IFIH1: variants seen among roughly 807,000 people sequenced by gnomAD.
IFIH1 encodes interferon-induced helicase C domain-containing protein 1.
A neutral mutation model predicts 107.4 loss-of-function variants in IFIH1; 125 were observed. The ratio of observed to expected loss-of-function variants is 1.16; its 90% confidence interval spans 1.01 to 1.35. The LOEUF (loss-of-function observed/expected upper bound fraction) is 1.35, where lower values mean the gene tolerates loss of function less well. Ranked by LOEUF, IFIH1 falls within the 40% of genes most tolerant of loss-of-function variation. The pLI is 0.00. For synonymous variants in IFIH1, 458 were observed against 413.2 expected (o/e 1.11, Z -1.31); for missense variants, 1,333 against 1,213.7 (o/e 1.10, Z -1.46).
At chr2:162,272,979 C>T (rs1278650110) in intron 12 of IFIH1, among the ~76,000 whole-genome samples, 1 of 152,132 alleles carries the variant, frequency 6.6e-6, no homozygotes, top group African/African-American at 2.4e-5. Context: ...AAAGTATCCT[C>T]AAGGAAAAAT....
chr2:162,307,708 G>A (rs1469346506), intron 2 of IFIH1, among the ~76,000 whole-genome samples: 1 of 152,128 alleles, frequency 6.6e-6, no homozygotes, highest in Non-Finnish European at 1.5e-5. Flanking sequence ...AGAACCCAGT[G>A]AAAATGTGCC....
intron 1 of IFIH1, among the ~76,000 whole-genome samples, chr2:162,314,564 T>C (rs1683453467): frequency 6.7e-6 from 1 of 148,252 alleles, no homozygotes; most frequent in Admixed American, 6.8e-5. Flanking sequence ...CTCAGCTCAC[T>C]GCAAGCTCCG....
rs191992120 is a variant in IFIH1, at chr2:162,273,161, G to A, written c.2454+634C>T. Among the ~76,000 whole-genome samples, 900 of 152,254 alleles carry A rather than the reference G, an allele frequency of 5.9e-3. 16 individuals carry two copies. Among genetic ancestry groups the A allele is most frequent in the African/African-American group, 0.021 (856 of 41,552 alleles). On this transcript the variant is annotated intron_variant, in intron 12 of 15. Transcript: ENST00000649979. ...ATCCCTTTAGTTAATTTTATAGGAA[G>A]AATAGTGTATCTATTAATCAGCATA...
Position 162,272,380 on chromosome 2 carries a change from C to A in IFIH1, c.2462G>T (p.Gly821Val). 6.2e-7 allele frequency: 1 copy of A among 1,611,670 alleles called. No individual in the cohort carries two copies. The highest frequency in any genetic ancestry group is 8.5e-7 in the Non-Finnish European group (1 of 1,178,950). The change falls in exon 13 of 16, where the codon GGT (glycine) becomes GTT (valine). Residue 821 changes from glycine (G) to valine (V), a missense_variant. Coordinates refer to ENST00000649979, the MANE Select transcript of IFIH1 (RefSeq NM_022168.4). Reference sequence around the variant, plus strand: ...GGTGCTCTCATCAGCTCTGGCTCGACCACGGGCCTGAAAACACAAATAAAT... The same window carrying A: ...GGTGCTCTCATCAGCTCTGGCTCGAACACGGGCCTGAAAACACAAATAAAT... ...TNEIAMVQAR[G>V]RARADESTYV...
intron 4 of IFIH1, among the ~76,000 whole-genome samples, chr2:162,292,538 T>C (rs944302183): frequency 6.6e-6 from 1 of 151,894 alleles, no homozygotes; most frequent in Non-Finnish European, 1.5e-5. Flanking sequence ...GATGACAATC[T>C]TTCTATAAAC....
intron 4 of IFIH1, among the ~76,000 whole-genome samples, chr2:162,291,617 C>A (rs979377414): frequency 6.6e-5 from 10 of 151,720 alleles, no homozygotes; most frequent in South Asian, 2.1e-4. Context: ...TTGGGTCACA[C>A]CTTATGGCCC....
Position 162,277,664 on chromosome 2 carries a change from C to A in IFIH1, c.1795G>T (p.Val599Phe), listed in dbSNP as rs759122723. Residue 599 changes from valine to phenylalanine, a missense_variant, in exon 10 of 16, where the codon GTT becomes TTT. Physicochemically the swap from Val to Phe is conservative, Grantham distance 50 (BLOSUM62 -1). Coordinates refer to ENST00000649979, the MANE Select transcript of IFIH1 (RefSeq NM_022168.4). ...TACTTCCTCAAATGTTCTGCACAAA[C>A]ACGTTCTTTGCGATTTCCTTCTTTT... is the stretch of plus-strand genomic sequence containing the variant. The part of the protein sequence containing the change: ...AAKEGNRKER[V>F]CAEHLRKYNE... The A allele has an allele frequency of 6.2e-7, 1 of 1,606,954 alleles. No homozygotes were observed. Among genetic ancestry groups the A allele is most frequent in the Non-Finnish European group, 8.5e-7 (1 of 1,176,860 alleles).
intron 4 of IFIH1, among the ~76,000 whole-genome samples, chr2:162,288,917 G>GCACACACACA (rs3051152): frequency 4.1e-4 from 55 of 135,454 alleles, no homozygotes; most frequent in African/African-American, 9.8e-4. Flanking sequence ...ATACCAAAAA[G>GCACACACACA]CACACACACA....
In IFIH1 at chr2:162,276,939, A is replaced by G. The variant is rs781523339; in HGVS notation, c.2052T>C (p.Asn684=). The change falls in exon 11 of 16, where the codon AAT becomes AAC. Residue 684 remains asparagine (N), a synonymous_variant. Transcript: ENST00000649979. The stretch of plus-strand genomic sequence containing the variant: ...TTTCAGCCAGCCTTTTCAACATTTT[A>G]TTGTTTTCTTTAAGAAATAATTAGA... The part of the protein sequence containing the change: ...RFLMTLFFEN[N]KMLKRLAENP... The G allele has an allele frequency of 2.5e-5, 40 of 1,596,928 alleles. No individual in the cohort carries two copies. The East Asian group carries it at 8.1e-4, about 32-fold the overall frequency.
At chr2:162,294,001 G>T (rs1683043911) in intron 3 of IFIH1, among the ~76,000 whole-genome samples, 2 of 151,872 alleles carry the variant, frequency 1.3e-5, no homozygotes. Context: ...ATTTAGGTTT[G>T]ATATGTCTTT....
chr2:162,298,735 C>A (rs1273461440), intron 3 of IFIH1, among the ~76,000 whole-genome samples: 1 of 151,984 alleles, frequency 6.6e-6, no homozygotes, highest in Non-Finnish European at 1.5e-5. Context: ...GGAAATAGAT[C>A]ACTTTTATTT....
chr2:162,278,561 A>G (rs1682749138), intron 8 of IFIH1, among the ~76,000 whole-genome samples: 1 of 152,130 alleles, frequency 6.6e-6, no homozygotes, highest in African/African-American at 2.4e-5. Flanking sequence ...GGAATCTCCA[A>G]CTTAAAAGGT....
chr2:162,317,702 A>T (rs1385728053), intron 1 of IFIH1, among the ~76,000 whole-genome samples, 153 bp downstream of exon 1: 1 of 152,210 alleles, frequency 6.6e-6, no homozygotes, highest in East Asian at 1.9e-4. Context: ...AAATTTTTAA[A>T]ATTGTCTTAA....
Position 162,296,463 on chromosome 2 carries a change from G to A in IFIH1, c.770-2795C>T, listed in dbSNP as rs547168642. On this transcript the variant is annotated intron_variant, in intron 3 of 15. Coordinates refer to ENST00000649979, the MANE Select transcript of IFIH1 (RefSeq NM_022168.4). ...TGTTTCATAGGTGAGAAACCAAGGC[G>A]CTGAGAGGTTAACTGATATATCCAG... Among the ~76,000 whole-genome samples the A allele has an allele frequency of 1.2e-4, 19 of 152,180 alleles. No individual in the cohort carries two copies. In the South Asian group the frequency reaches 3.9e-3, roughly 32 times the overall value.
intron 3 of IFIH1, among the ~76,000 whole-genome samples, chr2:162,304,058 G>T (rs1233277584): frequency 1.3e-5 from 2 of 152,236 alleles, no homozygotes; most frequent in African/African-American, 4.8e-5. Context: ...CTAAAGGAAG[G>T]TGCAGCTGCT....
intron 1 of IFIH1, among the ~76,000 whole-genome samples, chr2:162,315,191 T>C (rs185610577): frequency 6.6e-6 from 1 of 152,328 alleles, no homozygotes; most frequent in East Asian, 1.9e-4. Context: ...AATTTGGAAA[T>C]CTTATTTTCA....
chr2:162,309,917 G>C (rs1054159909), intron 2 of IFIH1, among the ~76,000 whole-genome samples: 5 of 152,184 alleles, frequency 3.3e-5, no homozygotes, highest in African/African-American at 1.2e-4. Flanking sequence ...TTATAACAAG[G>C]ATCACCTTTC....
intron 3 of IFIH1, among the ~76,000 whole-genome samples, chr2:162,305,856 G>A (rs1683271726): frequency 6.6e-6 from 1 of 152,178 alleles, no homozygotes; most frequent in Non-Finnish European, 1.5e-5. Context: ...TCTGTACGGT[G>A]GGAATGCTGT....
At chr2:162,303,799 A>C (rs951849044) in intron 3 of IFIH1, among the ~76,000 whole-genome samples, 2 of 152,200 alleles carry the variant, frequency 1.3e-5, no homozygotes, top group Non-Finnish European at 2.9e-5. Context: ...TGTTCACTAG[A>C]AGTTCAGAGC....
Sources: allele counts gnomAD v4.1 joint callset (sites outside exome capture counted in the v4.1 genomes callset), GRCh38; gene constraint gnomAD v4.1.1; transcripts MANE v1.5; gene names NCBI Gene and HGNC (gene_info 2026-07-23, HGNC 2026-07-21).